Variants in CELF2 observed in about 807,000 individuals in gnomAD.
The protein encoded by CELF2 is CUGBP Elav-like family member 2.
In CELF2, 8 loss-of-function variants were observed where a neutral mutation model predicts 62.6. That is an observed-to-expected ratio of 0.13 (90% CI 0.07 to 0.23). The LOEUF is 0.23. Ranked by LOEUF, CELF2 falls within the 10% of genes least tolerant of loss-of-function variation. The probability of loss-of-function intolerance (pLI) is 1.00; values close to 1 mark genes in which losing one functional copy is unlikely to be tolerated. For synonymous variants in CELF2, 258 were observed against 250.0 expected, an observed-to-expected ratio of 1.03 and a Z score of -0.30; for missense variants, 333 against 671.0, an observed-to-expected ratio of 0.50 and a Z score of 5.56.
chr10:10,498,059 G>C, the CELF2 span, among the ~76,000 whole-genome samples: 2 of 152,174 alleles, frequency 1.3e-5, no homozygotes, highest in African/African-American at 4.8e-5. Context: ...CTATTTTGTG[G>C]AAGAGAAAGC....
At chr10:10,964,325 C>A (rs1456457152) in intron 2 of CELF2, among the ~76,000 whole-genome samples, 1 of 152,116 alleles carries the variant, frequency 6.6e-6, no homozygotes, top group Non-Finnish European at 1.5e-5. Flanking sequence ...GAAATTGAAG[C>A]TATTTGGACT....
intron 2 of CELF2, among the ~76,000 whole-genome samples, chr10:10,927,717 C>A (rs1366346949): frequency 1.3e-5 from 2 of 152,092 alleles, no homozygotes; most frequent in East Asian, 3.9e-4. Flanking sequence ...GCGTGAGGTA[C>A]CATGCCCAAC....
intron 1 of CELF2, among the ~76,000 whole-genome samples, chr10:10,818,333 C>G (rs2056663309): frequency 6.6e-6 from 1 of 152,136 alleles, no homozygotes; most frequent in Non-Finnish European, 1.5e-5. Flanking sequence ...AGGACCCAAG[C>G]AGATCCAGCT....
At chr10:10,979,474 C>A (rs889045187) in intron 2 of CELF2, among the ~76,000 whole-genome samples, 1 of 152,070 alleles carries the variant, frequency 6.6e-6, no homozygotes, top group African/African-American at 2.4e-5. Flanking sequence ...AGTTCAAGAC[C>A]AGCCTGGGCA....
intron 7 of CELF2, among the ~76,000 whole-genome samples, chr10:11,274,850 TAGTG>T (rs3064781): frequency 0.84 from 126,753 of 151,728 alleles, 55,428 homozygotes; most frequent in East Asian, 0.96. Flanking sequence ...GCAGCAGTGT[TAGTG>T]AGTTTCCCCA....
chr10:11,323,316 T>C (rs190108180), intron 11 of CELF2, among the ~76,000 whole-genome samples: 155 of 152,136 alleles, frequency 1.0e-3, no homozygotes, highest in Middle Eastern at 6.8e-3. Flanking sequence ...ATAACTCTCT[T>C]CTGATCCCTT....
intron 1 of CELF2, among the ~76,000 whole-genome samples, chr10:11,077,068 A>G (rs1308970579): frequency 6.6e-6 from 1 of 152,206 alleles, no homozygotes; most frequent in Non-Finnish European, 1.5e-5. Flanking sequence ...TTCCTCCCCT[A>G]TAAAACGGTG....
chr10:11,235,822 G>A (rs1288880323), intron 3 of CELF2, among the ~76,000 whole-genome samples: 3 of 151,616 alleles, frequency 2.0e-5, no homozygotes, highest in South Asian at 2.1e-4. Context: ...GGGGTGGGGG[G>A]ACAGCCTTGT....
intron 1 of CELF2, among the ~76,000 whole-genome samples, chr10:11,155,700 T>TA (rs1358888229): frequency 1.3e-5 from 2 of 152,246 alleles, no homozygotes; most frequent in Non-Finnish European, 2.9e-5. Context: ...GTTTTCTCTC[T>TA]AAACAACTAC....
chr10:11,245,876 C>T (rs2075444312), intron 3 of CELF2, among the ~76,000 whole-genome samples: 1 of 152,160 alleles, frequency 6.6e-6, no homozygotes, highest in South Asian at 2.1e-4. Context: ...CCACATTGGA[C>T]ATTTTATGGA....
the CELF2 span, among the ~76,000 whole-genome samples, chr10:10,633,790 C>T: frequency 6.6e-6 from 1 of 151,794 alleles, no homozygotes; most frequent in South Asian, 2.1e-4. Context: ...GAGTGAGGTA[C>T]TGATATATTT....
intron 1 of CELF2, among the ~76,000 whole-genome samples, chr10:11,080,674 T>A (rs1450354008): frequency 6.6e-6 from 1 of 152,236 alleles, no homozygotes; most frequent in Non-Finnish European, 1.5e-5. Flanking sequence ...TTGAAGGGCC[T>A]TTTCATTGTG....
Position 10,889,160 on chromosome 10 carries a change from A to T in CELF2, c.54-30804A>T, listed in dbSNP as rs187836076. Among the ~76,000 whole-genome samples, 213 of 152,362 alleles carry T rather than the reference A, an allele frequency of 1.4e-3. 1 individual carries two copies. Among genetic ancestry groups the T allele is most frequent in the East Asian group, 5.6e-3 (29 of 5,190 alleles). ...TAAAATCCTCTAATATAAAATGTTC[A>T]TGTGGGTAGATCCAACAGAGAAGAA... On this transcript the variant is annotated intron_variant, in intron 1 of 13. Transcript: ENST00000636488.
chr10:10,837,314 CCTGTTGCCATGT>C (rs2058364509), intron 1 of CELF2, among the ~76,000 whole-genome samples: 2 of 152,156 alleles, frequency 1.3e-5, no homozygotes, highest in African/African-American at 2.4e-5. Flanking sequence ...TTCTGTCTTG[CCTGTTGCCATGT>C]AAGACATGCC....
In CELF2 at chr10:11,336,320, G is replaced by C. The variant is rs573734249; in HGVS notation, c.*7267G>C. On this transcript the variant is annotated 3_prime_UTR_variant, in exon 13 of 13. Coordinates refer to ENST00000633077, the MANE Select transcript of CELF2 (RefSeq NM_001326342.2). The surrounding 1 kb of genome is among the most constrained non-coding windows in gnomAD (Gnocchi z 5.4). ...TCTGTTGTAGTTCACTATTTTTGCT[G>C]TGTTCTGTTTTCTCCTCTCATGCTT... is the stretch of plus-strand genomic sequence containing the variant. The C allele has an allele frequency of 6.5e-6, 1 of 152,746 alleles. No homozygotes were observed. The highest frequency in any genetic ancestry group is 1.9e-4 in the East Asian group (1 of 5,192). 9.5% of individuals were successfully genotyped at this position (152,746 alleles called of 1,614,324 possible). A position where few individuals can be genotyped will look rare whatever the true frequency, so the allele number is the denominator to read the frequency against.
At chr10:11,052,485 A>G (rs1455343046) in intron 1 of CELF2, among the ~76,000 whole-genome samples, 2 of 152,230 alleles carry the variant, frequency 1.3e-5, no homozygotes, top group Non-Finnish European at 2.9e-5. Flanking sequence ...TTAGATGATC[A>G]TTGTTGCACG....
chr10:10,886,589 C>A (rs997237958), intron 1 of CELF2, among the ~76,000 whole-genome samples: 1 of 152,208 alleles, frequency 6.6e-6, no homozygotes, highest in African/African-American at 2.4e-5. Context: ...GTAATCCCAG[C>A]CCTTCAGGAG....
intron 3 of CELF2, among the ~76,000 whole-genome samples, chr10:11,225,266 G>A (rs2066119539): frequency 6.6e-6 from 1 of 152,130 alleles, no homozygotes; most frequent in Non-Finnish European, 1.5e-5. Context: ...CATTGTCCCT[G>A]CCTGTCATTA....
At chr10:10,964,050 ATAT>A (rs1303912114) in intron 2 of CELF2, among the ~76,000 whole-genome samples, 1 of 152,226 alleles carries the variant, frequency 6.6e-6, no homozygotes, top group Non-Finnish European at 1.5e-5. Flanking sequence ...ATTAGAATAG[ATAT>A]TATATTAGTA....
Sources: allele counts gnomAD v4.1 joint callset (sites outside exome capture counted in the v4.1 genomes callset), GRCh38; gene constraint gnomAD v4.1.1; non-coding constraint Gnocchi (gnomAD v3.1); transcripts MANE v1.5; gene names NCBI Gene and HGNC (gene_info 2026-07-23, HGNC 2026-07-21).